RERG: variants seen among roughly 807,000 people sequenced by gnomAD.
RERG encodes the protein RAS like estrogen regulated growth inhibitor, also known as ras-related and estrogen-regulated growth inhibitor.
In RERG, 25 loss-of-function variants were observed where a neutral mutation model predicts 23.2. The ratio of observed to expected loss-of-function variants is 1.08; its 90% CI spans 0.79 to 1.50. The LOEUF (loss-of-function observed/expected upper bound fraction) is 1.50. Among genes scored for constraint, RERG ranks in the 40% most tolerant of loss-of-function variants. The probability of loss-of-function intolerance (pLI) is 0.00; values close to 1 mark genes in which losing one functional copy is unlikely to be tolerated. For missense variants in RERG, 253 were observed against 250.1 expected (o/e 1.01, Z -0.08); for synonymous variants, 81 against 89.1 (o/e 0.91, Z 0.51).
intron 2 of RERG, among the ~76,000 whole-genome samples, chr12:15,152,988 C>T (rs1864467719): frequency 6.6e-6 from 1 of 152,174 alleles, no homozygotes; most frequent in Non-Finnish European, 1.5e-5. Flanking sequence ...ACTTACCACA[C>T]ATGAACATGA....
At chr12:15,169,952 G>GTT (rs1038311657) in intron 2 of RERG, among the ~76,000 whole-genome samples, 1 of 149,420 alleles carries the variant, frequency 6.7e-6, no homozygotes, top group African/African-American at 2.5e-5. Context: ...GTGTGTGTGT[G>GTT]TGTGTGTGTG....
intron 2 of RERG, among the ~76,000 whole-genome samples, chr12:15,195,020 CA>C (rs1389087650): frequency 2.0e-5 from 3 of 152,084 alleles, no homozygotes; most frequent in Admixed American, 6.6e-5. Flanking sequence ...TACCTTCCAG[CA>C]AACACTTTGT....
chr12:15,136,149 T>A (rs1342017413), intron 2 of RERG, among the ~76,000 whole-genome samples: 1 of 152,060 alleles, frequency 6.6e-6, no homozygotes, highest in Non-Finnish European at 1.5e-5. Context: ...GGGAATTTGT[T>A]TATTTCATCT....
At chr12:15,120,008 T>A (rs980105963) in intron 3 of RERG, among the ~76,000 whole-genome samples, 3 of 152,036 alleles carry the variant, frequency 2.0e-5, no homozygotes, top group Non-Finnish European at 2.9e-5. Flanking sequence ...GAAAAGCAAA[T>A]CTAGAATGGT....
At chr12:15,164,276 C>G (rs1479234009) in intron 2 of RERG, among the ~76,000 whole-genome samples, 1 of 152,196 alleles carries the variant, frequency 6.6e-6, no homozygotes, top group Non-Finnish European at 1.5e-5. Context: ...TCAAAACTCA[C>G]TGCCTATTCA....
At chr12:15,144,920 G>T (rs1251319047) in intron 2 of RERG, among the ~76,000 whole-genome samples, 1 of 152,200 alleles carries the variant, frequency 6.6e-6, no homozygotes, top group Non-Finnish European at 1.5e-5. Context: ...ATGACAGAAG[G>T]TTGTGAAATG....
chr12:15,126,910 G>A (rs972073093), intron 2 of RERG, among the ~76,000 whole-genome samples: 2 of 151,982 alleles, frequency 1.3e-5, no homozygotes, highest in Non-Finnish European at 2.9e-5. Context: ...AGTAGAGACA[G>A]AGTTTCACCG....
chr12:15,195,406 T>C (rs1431595459), intron 2 of RERG, among the ~76,000 whole-genome samples: 4 of 152,102 alleles, frequency 2.6e-5, no homozygotes, highest in Admixed American at 6.5e-5. Context: ...AGAGAGGCCA[T>C]TGTTAATCTT....
At chr12:15,132,861 G>A (rs1455858156) in intron 2 of RERG, among the ~76,000 whole-genome samples, 1 of 151,854 alleles carries the variant, frequency 6.6e-6, no homozygotes, top group Admixed American at 6.6e-5. Flanking sequence ...TGGGGTGTCT[G>A]TTAGATCTTT....
rs554075577 is a variant in RERG, at chr12:15,167,046, T to C, written c.62-45927A>G. ...TATAATGTCTTACAAGCAAGGCAGG[T>C]CTTATTAAGCCGACAATGCATAGGC... On this transcript the variant is annotated intron_variant, in intron 2 of 4. Coordinates refer to ENST00000256953, the MANE Select transcript of RERG (RefSeq NM_032918.3). 2.1e-3 allele frequency among the ~76,000 whole-genome samples: 315 copies of C among 152,218 alleles called. 1 individual carries two copies. Among genetic ancestry groups the C allele is most frequent in the African/African-American group, 7.4e-3 (308 of 41,544 alleles).
At chr12:15,140,072 C>G (rs1002294989) in intron 2 of RERG, among the ~76,000 whole-genome samples, 1 of 152,074 alleles carries the variant, frequency 6.6e-6, no homozygotes, top group Non-Finnish European at 1.5e-5. Context: ...TGTCTGCTTT[C>G]TTTTTTAAAA....
At chr12:15,113,315 C>A (rs950251350) in intron 3 of RERG, among the ~76,000 whole-genome samples, 1 of 151,750 alleles carries the variant, frequency 6.6e-6, no homozygotes, top group South Asian at 2.1e-4. Flanking sequence ...AAAGAAAAAA[C>A]ATCATGAAAA....
intron 3 of RERG, among the ~76,000 whole-genome samples, chr12:15,118,772 G>A (rs1863778579): frequency 2.6e-5 from 4 of 151,530 alleles, no homozygotes; most frequent in African/African-American, 4.9e-5. Context: ...CCCTTCTGCC[G>A]TGAGTAAAAT....
intron 2 of RERG, among the ~76,000 whole-genome samples, chr12:15,157,712 T>G (rs891850074): frequency 6.6e-6 from 1 of 152,224 alleles, no homozygotes; most frequent in African/African-American, 2.4e-5. Context: ...AAGCCAGGCT[T>G]TTCTTTTTCA....
intron 2 of RERG, among the ~76,000 whole-genome samples, chr12:15,173,869 G>A (rs1478623082): frequency 6.6e-6 from 1 of 151,844 alleles, no homozygotes; most frequent in East Asian, 1.9e-4. Flanking sequence ...TTGAATTCCT[G>A]AATATTTTCT....
intron 2 of RERG, among the ~76,000 whole-genome samples, chr12:15,209,127 G>A (rs1273943060): frequency 2.0e-5 from 3 of 152,074 alleles, no homozygotes; most frequent in Non-Finnish European, 2.9e-5. Context: ...CTTCAGTAGC[G>A]GACAGCCAGA....
chr12:15,201,754 T>G (rs1165164908), intron 2 of RERG, among the ~76,000 whole-genome samples: 2 of 151,290 alleles, frequency 1.3e-5, no homozygotes, highest in African/African-American at 4.8e-5. Context: ...TTATTAGTAA[T>G]TGTTAATTAC....
intron 2 of RERG, among the ~76,000 whole-genome samples, chr12:15,131,257 G>A (rs951190812): frequency 1.3e-5 from 2 of 151,722 alleles, no homozygotes; most frequent in Non-Finnish European, 2.9e-5. Context: ...AAATCAAAAG[G>A]GTTTTGTGTC....
intron 2 of RERG, among the ~76,000 whole-genome samples, chr12:15,148,399 CG>C (rs1555123894): frequency 6.6e-6 from 1 of 151,854 alleles, no homozygotes; most frequent in Admixed American, 6.6e-5. Context: ...GGTAGAAATG[CG>C]GGGGGGAAAT....
Sources: allele counts gnomAD v4.1 joint callset (sites outside exome capture counted in the v4.1 genomes callset), GRCh38; gene constraint gnomAD v4.1.1; transcripts MANE v1.5; gene names NCBI Gene and HGNC (gene_info 2026-07-23, HGNC 2026-07-21).